ARID2: variants seen among roughly 807,000 people sequenced by gnomAD.
ARID2 encodes the protein AT-rich interactive domain-containing protein 2.
ARID2 carries 32 observed loss-of-function variants against 184.6 expected under a neutral mutation model. The ratio of observed to expected loss-of-function variants is 0.17; its 90% CI spans 0.13 to 0.23. ARID2 has a LOEUF of 0.23. Among genes scored for constraint, ARID2 ranks in the 10% least tolerant of loss-of-function variants. The pLI is 1.00. For synonymous variants in ARID2, 836 were observed against 772.6 expected (o/e 1.08, Z -1.36); for missense variants, 1,696 against 2,197.6 (o/e 0.77, Z 4.56).
intron 10 of ARID2, among the ~76,000 whole-genome samples, chr12:45,838,397 T>G (rs904502265): frequency 1.3e-5 from 2 of 152,178 alleles, no homozygotes; most frequent in African/African-American, 2.4e-5. Flanking sequence ...TATTGAGAAG[T>G]TAATGTGTCA....
chr12:45,825,356 A>G (rs1272619114), intron 6 of ARID2, among the ~76,000 whole-genome samples: 1 of 152,168 alleles, frequency 6.6e-6, no homozygotes, highest in Non-Finnish European at 1.5e-5. Context: ...GGTACCCCAT[A>G]AGTACATACA....
chr12:45,888,396 C>T (rs1485332773), intron 16 of ARID2, among the ~76,000 whole-genome samples: 1 of 152,074 alleles, frequency 6.6e-6, no homozygotes, highest in African/African-American at 2.4e-5. Flanking sequence ...TTTTCAGGAG[C>T]AGAAATGAAT....
chr12:45,787,110 A>C (rs2138047005), intron 3 of ARID2, among the ~76,000 whole-genome samples: 1 of 152,154 alleles, frequency 6.6e-6, no homozygotes, highest in East Asian at 1.9e-4. Flanking sequence ...AAATAACTAA[A>C]AGTGTAGAGT....
chr12:45,889,712 G>C (rs1944261803), intron 16 of ARID2, among the ~76,000 whole-genome samples: 2 of 152,230 alleles, frequency 1.3e-5, no homozygotes, highest in South Asian at 4.1e-4. Flanking sequence ...GGCCGAGGCG[G>C]GTGGATCACA....
chr12:45,775,166 G>A (rs753553628), intron 3 of ARID2, among the ~76,000 whole-genome samples: 13 of 152,296 alleles, frequency 8.5e-5, no homozygotes, highest in Non-Finnish European at 1.9e-4. Context: ...GGAAAATGAT[G>A]CTTTCTTTTA....
chr12:45,743,373 A>T (rs887299511), intron 3 of ARID2, among the ~76,000 whole-genome samples: 3 of 152,080 alleles, frequency 2.0e-5, no homozygotes, highest in Admixed American at 2.0e-4. Flanking sequence ...TGTCTCAAAA[A>T]AAAAGAGAGA....
intron 8 of ARID2, 58 bp from the exon 9 acceptor site, chr12:45,837,263 T>C: frequency 7.3e-7 from 1 of 1,362,626 alleles, no homozygotes; most frequent in Middle Eastern, 2.6e-4. Context: ...TTATTAAATT[T>C]GAAGTATACA....
At chr12:45,839,190 C>G (rs950319036) in intron 10 of ARID2, 139 bp from the exon 11 acceptor site, 99 of 855,604 alleles carry the variant, frequency 1.2e-4, no homozygotes, top group Non-Finnish European at 1.6e-4. Flanking sequence ...TAAAGATGCA[C>G]AGGTAATTCT....
chr12:45,792,773 T>C (rs1039913895), intron 3 of ARID2, among the ~76,000 whole-genome samples: 2 of 152,144 alleles, frequency 1.3e-5, no homozygotes, highest in African/African-American at 4.8e-5. Context: ...GAGTTAAATA[T>C]AGTATTATTA....
In ARID2 at chr12:45,791,175, G is replaced by A. The variant is rs12314046; in HGVS notation, c.285-20243G>A. On this transcript the variant is annotated intron_variant, in intron 3 of 20. Transcript: ENST00000334344. Reference sequence around the variant, plus strand: ...CCACCAGCAGTGCACAAGGGTTCCAGTTTCTTCACTTTCTTGCCAGCACAT... The same window carrying A: ...CCACCAGCAGTGCACAAGGGTTCCAATTTCTTCACTTTCTTGCCAGCACAT... Among the ~76,000 whole-genome samples the A allele has an allele frequency of 6.0e-5, 9 of 151,142 alleles. No individual in the cohort carries two copies. The East Asian group carries it at 1.7e-3, about 29-fold the overall frequency.
rs78559355 is a variant in ARID2, at chr12:45,739,383, G to T, written c.284+8069G>T. Among the ~76,000 whole-genome samples, 10 of 139,920 alleles carry T rather than the reference G, an allele frequency of 7.1e-5. No individual in the cohort carries two copies. In the East Asian group the frequency reaches 1.9e-3, roughly 27 times the overall value. The allele number at this position is 139,920 out of a possible 152,430, so 91.8% of individuals were successfully genotyped here. A position where few individuals can be genotyped will look rare whatever the true frequency, so the allele number is the denominator to read the frequency against. ...TTCCAGGTGTGCTTGGCTTTTATTT[G>T]TATCAGTAAATAATTTTTAAAACTA... On this transcript the variant is annotated intron_variant, in intron 3 of 20. Transcript: ENST00000334344.
intron 1 of ARID2, 29 bp from the exon 2 acceptor site, chr12:45,730,015 A>C (rs1202488671): frequency 6.2e-7 from 1 of 1,611,254 alleles, no homozygotes; most frequent in Non-Finnish European, 8.5e-7. Context: ...GTCCCGGCTG[A>C]CAAGTGCGGG....
At chr12:45,874,450 CAGG>C (rs1170714137) in intron 16 of ARID2, 1 of 204,022 alleles carries the variant, frequency 4.9e-6, no homozygotes, top group African/African-American at 2.3e-5. Flanking sequence ...GCATCTTCAC[CAGG>C]AGTAGATTCT....
intron 11 of ARID2, 46 bp from the exon 12 acceptor site, chr12:45,846,810 G>T (rs772912464): frequency 6.3e-7 from 1 of 1,585,010 alleles, no homozygotes; most frequent in Admixed American, 1.7e-5. Flanking sequence ...GGCAAATAGT[G>T]ACTAACTTTT....
intron 3 of ARID2, among the ~76,000 whole-genome samples, chr12:45,766,750 G>C (rs911971247): frequency 8.2e-5 from 12 of 147,196 alleles, no homozygotes; most frequent in Admixed American, 2.0e-4. Context: ...TCCTGACCTT[G>C]TGATCCGCCC....
At chr12:45,805,033 A>G (rs780096945) in intron 3 of ARID2, among the ~76,000 whole-genome samples, 24 of 152,054 alleles carry the variant, frequency 1.6e-4, no homozygotes, top group Non-Finnish European at 2.6e-4. Flanking sequence ...ACTGCCATAT[A>G]GTATTTTATT....
intron 16 of ARID2, among the ~76,000 whole-genome samples, chr12:45,864,262 G>A (rs925514091): frequency 2.0e-5 from 3 of 151,420 alleles, no homozygotes; most frequent in African/African-American, 7.3e-5. Context: ...TAAAAGTTAG[G>A]GACCTCACTC....
At position 45,907,870 on chromosome 12, in the gene ARID2, CAT is replaced by C. The variant is rs1347962217; in HGVS notation, c.*2796_*2797del. On this transcript the variant is annotated 3_prime_UTR_variant, in exon 21 of 21. Coordinates refer to ENST00000334344, the MANE Select transcript of ARID2 (RefSeq NM_152641.4). Reference sequence around the variant, plus strand: ...AATTTTAAGTAACAAAATTGATAATCATATAGCGAAGGCATATTTTTCTTCCA... The same window carrying C: ...AATTTTAAGTAACAAAATTGATAATCATAGCGAAGGCATATTTTTCTTCCA... 8.6e-6 allele frequency: 2 copies of C among 231,734 alleles called. No individual in the cohort carries two copies. Among genetic ancestry groups the C allele is most frequent in the Non-Finnish European group, 8.5e-6 (1 of 117,094 alleles). 14.4% of individuals were successfully genotyped at this position (231,734 alleles called of 1,614,324 possible).
chr12:45,744,799 G>A (rs529940435), intron 3 of ARID2, among the ~76,000 whole-genome samples: 8 of 152,104 alleles, frequency 5.3e-5, no homozygotes, highest in African/African-American at 1.4e-4. Context: ...GTTTGTTTGC[G>A]TGAATCCATT....
Sources: gnomAD v4.1 joint callset for allele counts (sites outside exome capture counted in the v4.1 genomes callset) on GRCh38, gnomAD v4.1.1 for gene constraint, MANE v1.5 for transcripts, NCBI Gene and HGNC (gene_info 2026-07-23, HGNC 2026-07-21) for gene names.